The following GUCY1B1 variants were observed in gnomAD, a reference collection of about 807,000 sequenced individuals.
The protein encoded by GUCY1B1 is guanylate cyclase soluble subunit beta-1.
Under a neutral mutation model 71.0 loss-of-function variants are expected in GUCY1B1, and 43 were observed. The observed-to-expected ratio is 0.61, with a 90% confidence interval of 0.47 to 0.78. The LOEUF (loss-of-function observed/expected upper bound fraction) is 0.78, where lower values mean the gene tolerates loss of function less well. Ranked by LOEUF, GUCY1B1 falls within the 30% of genes least tolerant of loss-of-function variation. The probability of loss-of-function intolerance (pLI) is 0.00; values close to 1 mark genes in which losing one functional copy is unlikely to be tolerated. For synonymous variants in GUCY1B1, 266 were observed against 259.7 expected (o/e 1.02, Z -0.23); for missense variants, 535 against 754.1 (o/e 0.71, Z 3.40).
rs755636432 is a variant in GUCY1B1, at chr4:155,777,615, G to A, written c.270G>A (p.Leu90=). The change falls in exon 4 of 14, where the codon CTG becomes CTA. Residue 90 remains leucine (L), a synonymous_variant. Transcript: ENST00000264424. ...ESGYDTILRV[L]GSNVREFLQN... ...GTTATGATACAATCTTGCGTGTCCT[G>A]GGCTCTAATGTCAGAGAATTTCTAC... 10 of 1,594,796 alleles carry A rather than the reference G, an allele frequency of 6.3e-6. No homozygotes were observed. In the South Asian group the frequency reaches 7.7e-5, roughly 12 times the overall value.
chr4:155,759,795 T>C lies in GUCY1B1; in HGVS notation c.12T>C (p.Phe4=). 2 of 1,612,656 alleles carry C rather than the reference T, an allele frequency of 1.2e-6. No homozygotes were observed. The highest frequency in any genetic ancestry group is 1.7e-6 in the Non-Finnish European group (2 of 1,178,986). ...TCTCCCTGTCCCCGCAGTACGGATT[T>C]GTGAATCACGCCCTGGAGTTGCTGG... MYG[F]VNHALELLVI... The change falls in exon 2 of 14, where the codon TTT becomes TTC. Residue 4 remains phenylalanine (F), a synonymous_variant. Transcript: ENST00000264424.
Position 155,759,032 on chromosome 4 carries a change from A to G in GUCY1B1, c.-109A>G, listed in dbSNP as rs1736743995. ...AGGCGGCTGTTCTCGCTCCAGCTCG[A>G]TGCTGCCTCCCCGGCCCGGTTGCGC... On this transcript the variant is annotated 5_prime_UTR_variant, in exon 1 of 14. The change abolishes an upstream ATG in the 5' untranslated region. Coordinates refer to ENST00000264424, the MANE Select transcript of GUCY1B1 (RefSeq NM_000857.5). The G allele has an allele frequency of 3.3e-6, 4 of 1,218,948 alleles. No homozygotes were observed. The highest frequency in any genetic ancestry group is 3.5e-6 in the Non-Finnish European group (3 of 852,228). 75.5% of individuals were successfully genotyped at this position (1,218,948 alleles called of 1,614,324 possible). A position where few individuals can be genotyped will look rare whatever the true frequency, so the allele number is the denominator to read the frequency against.
intron 4 of GUCY1B1, chr4:155,785,342 AT>A: frequency 3.1e-6 from 4 of 1,278,256 alleles, no homozygotes; most frequent in Non-Finnish European, 4.4e-6. Flanking sequence ...AAGAGTTTAC[AT>A]TTTTTCAGTG....
intron 2 of GUCY1B1, among the ~76,000 whole-genome samples, chr4:155,764,754 GAAGT>G: frequency 6.6e-6 from 1 of 152,286 alleles, no homozygotes; most frequent in Non-Finnish European, 1.5e-5. Context: ...ACTAATGTTT[GAAGT>G]TATCTTTTGC....
chr4:155,796,578 A>G, intron 8 of GUCY1B1, 68 bp downstream of exon 8: 1 of 1,030,630 alleles, frequency 9.7e-7, no homozygotes, highest in Non-Finnish European at 1.4e-6. Context: ...GAATGCCACA[A>G]TATTTTATTC....
chr4:155,796,264 T>C (rs570088649), intron 7 of GUCY1B1, 113 bp from the exon 8 acceptor site: 2 of 941,124 alleles, frequency 2.1e-6, no homozygotes, highest in Non-Finnish European at 3.3e-6. Flanking sequence ...GTTCTAATGA[T>C]GCACTTATTC....
chr4:155,774,562 C>T (rs1737912340), intron 2 of GUCY1B1, among the ~76,000 whole-genome samples: 1 of 152,110 alleles, frequency 6.6e-6, no homozygotes, highest in East Asian at 1.9e-4. Context: ...TGCAAGAAGT[C>T]AGGGATTTTT....
chr4:155,786,362 C>T (rs1738770031), intron 4 of GUCY1B1, among the ~76,000 whole-genome samples: 2 of 149,704 alleles, frequency 1.3e-5, no homozygotes, highest in African/African-American at 4.9e-5. Flanking sequence ...CAACCTCCAC[C>T]TCCTGGGTTC....
At chr4:155,759,169 C>G in intron 1 of GUCY1B1, 26 bp downstream of exon 1, 2 of 1,566,560 alleles carry the variant, frequency 1.3e-6, no homozygotes, top group Non-Finnish European at 1.7e-6. Flanking sequence ...CGGGTGCGGC[C>G]CGAACCTCAC....
At chr4:155,780,891 C>T (rs775582459) in intron 4 of GUCY1B1, among the ~76,000 whole-genome samples, 12 of 152,100 alleles carry the variant, frequency 7.9e-5, no homozygotes, top group Non-Finnish European at 1.8e-4. Context: ...TTAAAATGGT[C>T]GTTCTGACAT....
At chr4:155,779,265 G>T (rs1738257622) in intron 4 of GUCY1B1, among the ~76,000 whole-genome samples, 1 of 152,044 alleles carries the variant, frequency 6.6e-6, no homozygotes, top group Non-Finnish European at 1.5e-5. Flanking sequence ...CTCCAGCCTG[G>T]GTGACAGAGT....
chr4:155,765,011 C>A (rs774054324), intron 2 of GUCY1B1, among the ~76,000 whole-genome samples: 1 of 151,704 alleles, frequency 6.6e-6, no homozygotes, highest in African/African-American at 2.4e-5. Context: ...ATTTTCCTTG[C>A]ATTCTGTGAT....
chr4:155,762,016 T>G (rs2110958764), intron 2 of GUCY1B1, among the ~76,000 whole-genome samples: 1 of 152,344 alleles, frequency 6.6e-6, no homozygotes, highest in Admixed American at 6.5e-5. Flanking sequence ...TTGGGTGTGG[T>G]TTAGTGTCTG....
chr4:155,765,168 A>G (rs566295803), intron 2 of GUCY1B1, among the ~76,000 whole-genome samples: 3 of 152,286 alleles, frequency 2.0e-5, no homozygotes, highest in Non-Finnish European at 4.4e-5. Flanking sequence ...GCAAACATTT[A>G]CTAAGCATTG....
In GUCY1B1 at chr4:155,793,933, T is replaced by C. The variant is rs768470203; in HGVS notation, c.573T>C (p.Phe191=). The C allele has an allele frequency of 8.1e-6, 13 of 1,597,354 alleles. No individual in the cohort carries two copies. In the African/African-American group the frequency reaches 1.2e-4, roughly 15 times the overall value. The change falls in exon 6 of 14, where the codon TTT becomes TTC. Residue 191 remains phenylalanine, a synonymous_variant. Transcript: ENST00000264424. ...IEEKESKEED[F]YEDLDRFEEN... ...AAAAAGAGTCAAAAGAAGAGGATTTTTATGAAGATCTTGACAGATTTGAAG... is the reference window on the plus strand; with the variant it reads ...AAAAAGAGTCAAAAGAAGAGGATTTCTATGAAGATCTTGACAGATTTGAAG...
intron 2 of GUCY1B1, among the ~76,000 whole-genome samples, chr4:155,769,660 T>G (rs1737565693): frequency 6.6e-6 from 1 of 152,150 alleles, no homozygotes; most frequent in African/African-American, 2.4e-5. Flanking sequence ...AGATGAGCAC[T>G]CTTGAACACA....
chr4:155,800,353 T>C (rs1417571984), intron 9 of GUCY1B1, among the ~76,000 whole-genome samples: 1 of 152,236 alleles, frequency 6.6e-6, no homozygotes. Flanking sequence ...AATTCAAATT[T>C]AGTTCAAAAA....
At position 155,802,489 on chromosome 4, in the gene GUCY1B1, A is replaced by G. The variant is rs1228493421; in HGVS notation, c.1323A>G (p.Glu441=). The G allele has an allele frequency of 1.2e-6, 2 of 1,613,774 alleles. No individual in the cohort carries two copies. The highest frequency in any genetic ancestry group is 8.5e-7 in the Non-Finnish European group (1 of 1,179,752). ...TCTGTAGCAAGCATGCATCTGGAGA[A>G]GGAGCCATGAAGATCGTCAACCTCC... is the stretch of plus-strand genomic sequence containing the variant. ...NAFCSKHASG[E]GAMKIVNLLN... The change falls in exon 10 of 14, where the codon GAA becomes GAG. Residue 441 remains glutamate, a synonymous_variant. Transcript: ENST00000264424. This position sits in a 1 kb window ranked among gnomAD's most constrained non-coding sequence, Gnocchi z 4.3.
chr4:155,804,512 C>T (rs1740177799), intron 11 of GUCY1B1, 81 bp from the exon 12 acceptor site: 11 of 1,110,070 alleles, frequency 9.9e-6, no homozygotes, highest in African/African-American at 1.6e-5. Context: ...ACCTGTATGC[C>T]AGAACTTAAA....
Sources: allele counts gnomAD v4.1 joint callset (sites outside exome capture counted in the v4.1 genomes callset), GRCh38; gene constraint gnomAD v4.1.1; non-coding constraint Gnocchi (gnomAD v3.1); transcripts MANE v1.5; gene names NCBI Gene and HGNC (gene_info 2026-07-23, HGNC 2026-07-21).